Variants in CEACAM4 observed in about 807,000 individuals in gnomAD.
The protein encoded by CEACAM4 is CEA cell adhesion molecule 4.
A neutral mutation model predicts 28.7 loss-of-function variants in CEACAM4; 30 were observed. The ratio of observed to expected loss-of-function variants is 1.05; its 90% confidence interval spans 0.78 to 1.42. The LOEUF (loss-of-function observed/expected upper bound fraction) is 1.42, where lower values mean the gene tolerates loss of function less well. Ranked by LOEUF, CEACAM4 falls within the 40% of genes most tolerant of loss-of-function variation. CEACAM4 has a pLI of 0.00. For synonymous variants in CEACAM4, 143 were observed against 126.5 expected (o/e 1.13, Z -0.87); for missense variants, 330 against 308.2 (o/e 1.07, Z -0.53).
At chr19:41,616,682 T>C (rs1311427437), downstream of CEACAM4, among the ~76,000 whole-genome samples, 2 of 152,050 alleles carry the variant, frequency 1.3e-5, no homozygotes, top group Admixed American at 1.3e-4. Context: ...GCCCAGGAGA[T>C]CCTCTCAAGC....
chr19:41,618,118 C>T (rs2071032219), downstream of CEACAM4, among the ~76,000 whole-genome samples: 1 of 149,488 alleles, frequency 6.7e-6, no homozygotes, highest in Admixed American at 6.7e-5. Flanking sequence ...GATCATCACC[C>T]TTCCAGGGGC....
chr19:41,626,676 T>C (rs1266568604), intron 1 of CEACAM4, among the ~76,000 whole-genome samples: 1 of 152,130 alleles, frequency 6.6e-6, no homozygotes, highest in Non-Finnish European at 1.5e-5. Context: ...ACACTTGAGA[T>C]TTTCCTGCCT....
chr19:41,614,010 T>G, the CEACAM4 span, among the ~76,000 whole-genome samples: 1 of 152,238 alleles, frequency 6.6e-6, no homozygotes, highest in African/African-American at 2.4e-5. Context: ...TATCATCATT[T>G]TTCATTCTTA....
intron 2 of CEACAM4, among the ~76,000 whole-genome samples, chr19:41,624,516 T>C (rs957281672): frequency 1.3e-5 from 2 of 152,194 alleles, no homozygotes; most frequent in African/African-American, 4.8e-5. Context: ...TGATTAATTC[T>C]GTATTTACTC....
In CEACAM4 at chr19:41,620,557, G is replaced by A; in HGVS notation, c.595+18C>T. On this transcript the variant is annotated intron_variant, in intron 4 of 6. Coordinates refer to ENST00000221954, the MANE Select transcript of CEACAM4 (RefSeq NM_001817.4). ...GCAGGCCTAGGGGCTCCCACACCTG[G>A]GCTGAAGGGACACTCACCAGGGGTG... The A allele has an allele frequency of 6.2e-7, 1 of 1,609,836 alleles. No homozygotes were observed. The highest frequency in any genetic ancestry group is 8.5e-7 in the Non-Finnish European group (1 of 1,177,470).
At chr19:41,625,577 C>T (rs781994718) in intron 2 of CEACAM4, 24 bp downstream of exon 2, 2 of 1,548,216 alleles carry the variant, frequency 1.3e-6, no homozygotes, top group East Asian at 4.5e-5. Context: ...CGCCAGCACC[C>T]AGAGGTATGG....
chr19:41,620,349 C>A, intron 4 of CEACAM4, 107 bp from the exon 5 acceptor site: 1 of 1,122,518 alleles, frequency 8.9e-7, no homozygotes, highest in South Asian at 1.8e-5. Flanking sequence ...GAGAGGGAGC[C>A]TCTTCCCAGG....
At chr19:41,621,603 C>A (rs2071291618) in intron 3 of CEACAM4, 48 bp downstream of exon 3, 2 of 1,056,090 alleles carry the variant, frequency 1.9e-6, no homozygotes, top group Non-Finnish European at 2.9e-6. Flanking sequence ...TCCTCCCTGA[C>A]TGGGGTCAGC....
At chr19:41,619,619 C>T in intron 6 of CEACAM4, 51 bp downstream of exon 6, 1 of 1,572,182 alleles carries the variant, frequency 6.4e-7, no homozygotes, top group Non-Finnish European at 8.6e-7. Flanking sequence ...GGGGGCAGAT[C>T]CTGGGTCCCC....
chr19:41,616,506 TA>T (rs1555798852), downstream of CEACAM4, among the ~76,000 whole-genome samples: 1 of 144,206 alleles, frequency 6.9e-6, no homozygotes, highest in South Asian at 2.3e-4. Flanking sequence ...GATAGATAGA[TA>T]GATAGATAGA....
Position 41,620,208 on chromosome 19 carries a change from T to C in CEACAM4, c.627+3A>G. The C allele has an allele frequency of 6.7e-7, 1 of 1,491,982 alleles. No homozygotes were observed. 92.4% of individuals were successfully genotyped at this position (1,491,982 alleles called of 1,614,324 possible). A position where few individuals can be genotyped will look rare whatever the true frequency, so the allele number is the denominator to read the frequency against. On this transcript the variant is annotated splice_donor_region_variant and intron_variant, in intron 5 of 6. Transcript: ENST00000221954. ...AAAAGGGCTGGGGAGGGAACAGGCTTACCGAGAAGGTGGATCTGTGAGAGG... is the reference window on the plus strand; with the variant it reads ...AAAAGGGCTGGGGAGGGAACAGGCTCACCGAGAAGGTGGATCTGTGAGAGG...
At chr19:41,616,534 TAGATAGATAGATA>T (rs1251294972), downstream of CEACAM4, among the ~76,000 whole-genome samples, 2 of 139,656 alleles carry the variant, frequency 1.4e-5, no homozygotes, top group Non-Finnish European at 3.2e-5. Context: ...GATAGATAGA[TAGATAGATAGATA>T]TTCAGACAGA....
Position 41,625,814 on chromosome 19 carries a change from TC to T in CEACAM4, c.210del (p.Thr72ArgfsTer12). 6.2e-7 allele frequency: 1 copy of T among 1,613,988 alleles called. No individual in the cohort carries two copies. The highest frequency in any genetic ancestry group is 1.1e-5 in the South Asian group (1 of 91,080). ...ETIQAYYWHK[G>X]KTAEGSPLIA... ...ATGAGAGGGCTCCCTTCTGCCGTTTTCCCCTTGTGCCAATAATAGGCTTGAA... is the reference window on the plus strand; with the variant it reads ...ATGAGAGGGCTCCCTTCTGCCGTTTTCCCTTGTGCCAATAATAGGCTTGAA... On this transcript the variant is annotated frameshift_variant, in exon 2 of 7. Coordinates refer to ENST00000221954, the MANE Select transcript of CEACAM4 (RefSeq NM_001817.4). LOFTEE classifies it high-confidence loss of function.
chr19:41,613,786 A>C, the CEACAM4 span, among the ~76,000 whole-genome samples: 1 of 152,164 alleles, frequency 6.6e-6, no homozygotes, highest in Admixed American at 6.5e-5. Flanking sequence ...ACCAGGAGGC[A>C]GTTGTATAAA....
At chr19:41,620,373 G>T in intron 4 of CEACAM4, 131 bp from the exon 5 acceptor site, 1 of 965,558 alleles carries the variant, frequency 1.0e-6, no homozygotes, top group Non-Finnish European at 1.5e-6. Context: ...GACCTGAGCA[G>T]CTGAGGTCGA....
At chr19:41,615,595 G>A (rs970704144), downstream of CEACAM4, among the ~76,000 whole-genome samples, 7 of 152,122 alleles carry the variant, frequency 4.6e-5, no homozygotes, top group Non-Finnish European at 1.0e-4. Context: ...TGTGCTCAGA[G>A]TGGGAGGGAC....
Position 41,621,763 on chromosome 19 carries a change from T to A in CEACAM4, c.430A>T (p.Asn144Tyr). The A allele has an allele frequency of 1.2e-6, 2 of 1,600,094 alleles. No individual in the cohort carries two copies. The highest frequency in any genetic ancestry group is 1.7e-6 in the Non-Finnish European group (2 of 1,168,910). The change falls in exon 3 of 7, where the codon AAC becomes TAC. Residue 144 changes from asparagine to tyrosine, a missense_variant. Transcript: ENST00000221954. Reference sequence around the variant, plus strand: ...GCCCCCACAGGAAGGCCTGGGACGTTGTTTTCTGCAGAAAGGGGAAGGCAA... The same window carrying A: ...GCCCCCACAGGAAGGCCTGGGACGTAGTTTTCTGCAGAAAGGGGAAGGCAA... ...ATGQLHVHQN[N>Y]VPGLPVGAVA... is the part of the protein sequence containing the mutation.
In CEACAM4 at chr19:41,625,978, C is replaced by A; in HGVS notation, c.65-18G>T. 6.3e-7 allele frequency: 1 copy of A among 1,593,890 alleles called. No individual in the cohort carries two copies. Among genetic ancestry groups the A allele is most frequent in the Non-Finnish European group, 8.5e-7 (1 of 1,169,794 alleles). Reference sequence around the variant, plus strand: ...AAGTGAGGCTAGGAGGTGAAGACAGCATCAGTCAATACTGGGACCTATGGA... The same window carrying A: ...AAGTGAGGCTAGGAGGTGAAGACAGAATCAGTCAATACTGGGACCTATGGA... On this transcript the variant is annotated intron_variant, in intron 1 of 6. Coordinates refer to ENST00000221954, the MANE Select transcript of CEACAM4 (RefSeq NM_001817.4).
At chr19:41,620,180 T>A in intron 5 of CEACAM4, 31 bp downstream of exon 5, 1 of 1,490,514 alleles carries the variant, frequency 6.7e-7, no homozygotes, top group Non-Finnish European at 8.9e-7. Context: ...GGGACCCCAG[T>A]AGAAAAGGGC....
Sources: gnomAD v4.1 joint callset for allele counts (sites outside exome capture counted in the v4.1 genomes callset) on GRCh38, gnomAD v4.1.1 for gene constraint, MANE v1.5 for transcripts, NCBI Gene and HGNC (gene_info 2026-07-23, HGNC 2026-07-21) for gene names.